Variants in NTN1 observed in about 807,000 individuals in gnomAD.
NTN1 encodes netrin-1.
A neutral mutation model predicts 54.2 loss-of-function variants in NTN1; 11 were observed. The observed-to-expected ratio is 0.20, with a 90% CI of 0.13 to 0.34. The LOEUF is 0.34. Among genes scored for constraint, NTN1 ranks in the 10% least tolerant of loss-of-function variants. NTN1 has a pLI of 1.00. For synonymous variants in NTN1, 371 were observed against 382.0 expected (o/e 0.97, Z 0.33); for missense variants, 740 against 893.1 (o/e 0.83, Z 2.18).
intron 2 of NTN1, among the ~76,000 whole-genome samples, chr17:9,116,543 A>C (rs1021682623): frequency 6.6e-6 from 1 of 151,894 alleles, no homozygotes; most frequent in East Asian, 1.9e-4. Flanking sequence ...CCCTTATTTC[A>C]CTGACAAAGC....
intron 2 of NTN1, among the ~76,000 whole-genome samples, chr17:9,155,277 C>T (rs772226336): frequency 5.9e-5 from 9 of 152,220 alleles, no homozygotes; most frequent in Admixed American, 2.6e-4. Flanking sequence ...CTTTTAAAGG[C>T]GTCAGTTAAA....
intron 2 of NTN1, among the ~76,000 whole-genome samples, chr17:9,081,290 GAGA>G (rs2092070288): frequency 6.6e-6 from 1 of 152,144 alleles, no homozygotes; most frequent in Non-Finnish European, 1.5e-5. Flanking sequence ...TGAGTGTGAG[GAGA>G]AGCTGTTTTT....
chr17:9,237,001 G>A (rs772013106), intron 6 of NTN1, among the ~76,000 whole-genome samples: 9 of 152,182 alleles, frequency 5.9e-5, no homozygotes, highest in African/African-American at 2.2e-4. Flanking sequence ...TCTCCAGCCA[G>A]CTCTTTCTCT....
chr17:9,232,837 G>A (rs958906978), intron 6 of NTN1, among the ~76,000 whole-genome samples: 2 of 152,150 alleles, frequency 1.3e-5, no homozygotes, highest in Non-Finnish European at 2.9e-5. Context: ...TGGCTCTGGC[G>A]GCCCTTCCTC....
chr17:9,093,670 A>G (rs2092121265), intron 2 of NTN1, among the ~76,000 whole-genome samples: 1 of 152,226 alleles, frequency 6.6e-6, no homozygotes. Context: ...ATTTTAAAAC[A>G]TTTAGAAAAT....
intron 2 of NTN1, among the ~76,000 whole-genome samples, chr17:9,027,799 G>A (rs1449687606): frequency 6.6e-6 from 1 of 152,070 alleles, no homozygotes; most frequent in East Asian, 1.9e-4. Flanking sequence ...TTTCCTGGGG[G>A]TTCTTGGCAT....
At chr17:9,033,618 A>G (rs929431262) in intron 2 of NTN1, among the ~76,000 whole-genome samples, 10 of 151,324 alleles carry the variant, frequency 6.6e-5, no homozygotes, top group Non-Finnish European at 1.2e-4. Flanking sequence ...ACAAAAATAA[A>G]AAAGAAAGTA....
At chr17:9,131,038 C>T (rs118000568) in intron 2 of NTN1, among the ~76,000 whole-genome samples, 2 of 152,242 alleles carry the variant, frequency 1.3e-5, no homozygotes, top group Non-Finnish European at 2.9e-5. Flanking sequence ...CAGTGATGGC[C>T]TCCTTGCTCT....
intron 5 of NTN1, among the ~76,000 whole-genome samples, chr17:9,203,784 C>T (rs1904880991): frequency 6.6e-6 from 1 of 151,822 alleles, no homozygotes; most frequent in African/African-American, 2.4e-5. Flanking sequence ...GCCTGGGCAT[C>T]AGAGTGAGAC....
intron 2 of NTN1, among the ~76,000 whole-genome samples, chr17:9,023,857 G>A (rs940853): frequency 0.71 from 107,477 of 151,714 alleles, 38,303 homozygotes; most frequent in East Asian, 0.78. Context: ...GCAAAGAACT[G>A]TTTGTAGTTT....
At chr17:9,051,063 G>C (rs926322048) in intron 2 of NTN1, among the ~76,000 whole-genome samples, 6 of 152,302 alleles carry the variant, frequency 3.9e-5, no homozygotes, top group Admixed American at 1.3e-4. Flanking sequence ...TTTTGACCCA[G>C]GTTGAGATGG....
chr17:9,044,045 G>A (rs1023790074), intron 2 of NTN1, among the ~76,000 whole-genome samples: 1 of 151,900 alleles, frequency 6.6e-6, no homozygotes, highest in Non-Finnish European at 1.5e-5. Flanking sequence ...CTAGAGTAGC[G>A]TTGACCACTT....
intron 2 of NTN1, among the ~76,000 whole-genome samples, chr17:9,141,294 AG>A (rs965816398): frequency 2.0e-5 from 3 of 150,830 alleles, no homozygotes; most frequent in Admixed American, 6.6e-5. Context: ...AGCTTTAATG[AG>A]GGGGGGGAGA....
At chr17:9,008,452 T>C in the NTN1 span, among the ~76,000 whole-genome samples, 1 of 152,102 alleles carries the variant, frequency 6.6e-6, no homozygotes, top group African/African-American at 2.4e-5. Context: ...CCCCAGTAGC[T>C]GGGGTTACAG....
At chr17:9,063,203 T>G in intron 2 of NTN1, among the ~76,000 whole-genome samples, 1 of 151,970 alleles carries the variant, frequency 6.6e-6, no homozygotes, top group East Asian at 1.9e-4. Flanking sequence ...TTCAAGTGAT[T>G]ATCCTGCCTC....
the NTN1 span, among the ~76,000 whole-genome samples, chr17:9,015,085 A>G: frequency 6.6e-6 from 1 of 152,236 alleles, no homozygotes; most frequent in African/African-American, 2.4e-5. Flanking sequence ...TGCTTGGCAC[A>G]CAGTAAATGT....
At chr17:9,013,216 C>CTTTT in the NTN1 span, among the ~76,000 whole-genome samples, 1 of 118,724 alleles carries the variant, frequency 8.4e-6, no homozygotes, top group African/African-American at 3.2e-5. Flanking sequence ...TTTTCTTTTT[C>CTTTT]TTTTTTTTTT....
intron 3 of NTN1, among the ~76,000 whole-genome samples, chr17:9,169,418 C>T (rs999123942): frequency 7.7e-4 from 117 of 152,316 alleles, no homozygotes; most frequent in African/African-American, 2.7e-3. Context: ...TCTTGTGACT[C>T]GACCCATGTG....
intron 2 of NTN1, among the ~76,000 whole-genome samples, chr17:9,082,296 G>C (rs1024459258): frequency 6.6e-6 from 1 of 152,154 alleles, no homozygotes; most frequent in Non-Finnish European, 1.5e-5. Context: ...CCTGACCTCA[G>C]GTGATCCTCC....
Sources: allele counts gnomAD v4.1 joint callset (sites outside exome capture counted in the v4.1 genomes callset), GRCh38; gene constraint gnomAD v4.1.1; transcripts MANE v1.5; gene names NCBI Gene and HGNC (gene_info 2026-07-23, HGNC 2026-07-21).